FIZ1: variants seen among roughly 807,000 people sequenced by gnomAD.
FIZ1 encodes FLT3 interacting zinc finger 1, also known as flt3-interacting zinc finger protein 1.
In FIZ1, 2 loss-of-function variants were observed where a neutral mutation model predicts 5.3. That is an observed-to-expected ratio of 0.37 (90% CI 0.15 to 1.18). The LOEUF (loss-of-function observed/expected upper bound fraction) is 1.18, where lower values mean the gene tolerates loss of function less well. Ranked by LOEUF, FIZ1 falls within the 50% of genes most tolerant of loss-of-function variation. The pLI, the probability that FIZ1 is intolerant of heterozygous loss-of-function variation, is 0.37. For synonymous variants in FIZ1, 407 were observed against 364.2 expected (o/e 1.12, Z -1.34); for missense variants, 631 against 749.7 (o/e 0.84, Z 1.85).
In FIZ1 at chr19:55,592,311, A is replaced by G; in HGVS notation, c.*139T>C. On this transcript the variant is annotated 3_prime_UTR_variant, in exon 3 of 3. Coordinates refer to ENST00000221665, the MANE Select transcript of FIZ1 (RefSeq NM_032836.3). This position sits in a 1 kb window ranked among gnomAD's most constrained non-coding sequence, Gnocchi z 6.9. ...GGTTTTTGGTGGCCCCCACCTCTCC[A>G]GTCAGGGTCCCCTCATTTCAGGGCC... The G allele has an allele frequency of 3.3e-6, 3 of 918,390 alleles. No individual in the cohort carries two copies. The highest frequency in any genetic ancestry group is 4.7e-6 in the Non-Finnish European group (3 of 635,330). The allele number at this position is 918,390 out of a possible 1,614,324, so 56.9% of individuals were successfully genotyped here. A position where few individuals can be genotyped will look rare whatever the true frequency, so the allele number is the denominator to read the frequency against.
intron 2 of FIZ1, among the ~76,000 whole-genome samples, chr19:55,594,917 C>G (rs1237002682): frequency 6.6e-6 from 1 of 152,112 alleles, no homozygotes; most frequent in Non-Finnish European, 1.5e-5. Context: ...CTCAGAGTTT[C>G]TCCCACTGAA....
chr19:55,595,289 G>A (rs1052035439), intron 2 of FIZ1, among the ~76,000 whole-genome samples: 2 of 152,176 alleles, frequency 1.3e-5, no homozygotes, highest in Non-Finnish European at 2.9e-5. Context: ...CGATGCACCT[G>A]CTGTACAGTG....
In FIZ1 at chr19:55,593,095, C is replaced by G; in HGVS notation, c.846G>C (p.Ala282=). 1 of 1,329,408 alleles carries G rather than the reference C, an allele frequency of 7.5e-7. No individual in the cohort carries two copies. The highest frequency in any genetic ancestry group is 1.6e-5 in the African/African-American group (1 of 63,250). 82.4% of individuals were successfully genotyped at this position (1,329,408 alleles called of 1,614,324 possible). A position where few individuals can be genotyped will look rare whatever the true frequency, so the allele number is the denominator to read the frequency against. Residue 282 remains alanine, a synonymous_variant, in exon 3 of 3, where the codon GCG becomes GCC. Transcript: ENST00000221665. This position sits in a 1 kb window ranked among gnomAD's most constrained non-coding sequence, Gnocchi z 6.3. ...ETAGEGTAAE[A]GDAPLASDRR... is the part of the protein sequence containing the mutation. ...GGTCCGAAGCCAGAGGAGCGTCGCCCGCCTCCGCAGCGGTGCCTTCGCCCG... is the reference window on the plus strand; with the variant it reads ...GGTCCGAAGCCAGAGGAGCGTCGCCGGCCTCCGCAGCGGTGCCTTCGCCCG...
In FIZ1 at chr19:55,596,273, G is replaced by A. The variant is rs145733252; in HGVS notation, c.294+1299C>T. Among the ~76,000 whole-genome samples, 45 of 152,230 alleles carry A rather than the reference G, an allele frequency of 3.0e-4. No individual in the cohort carries two copies. In the East Asian group the frequency reaches 7.9e-3, roughly 27 times the overall value. ...AAGGAGGGAGACCACTGAGAAAGCC[G>A]GGGCCAACATTCAGGATGTGAAGTC... On this transcript the variant is annotated intron_variant, in intron 2 of 2. Coordinates refer to ENST00000221665, the MANE Select transcript of FIZ1 (RefSeq NM_032836.3).
Position 55,592,633 on chromosome 19 carries a change from G to A in FIZ1, c.1308C>T (p.His436=). 6.2e-7 allele frequency: 1 copy of A among 1,613,514 alleles called. No homozygotes were observed. The highest frequency in any genetic ancestry group is 8.5e-7 in the Non-Finnish European group (1 of 1,179,900). ...GGCACGGGAACGGCTTCTCGCCAGT[G>A]TGCACCAGCACGTGCCGCTCCAGGT... is the stretch of plus-strand genomic sequence containing the variant. ...PRDLERHVLV[H]TGEKPFPCLE... is the part of the protein sequence containing the mutation. Residue 436 remains histidine (H), a synonymous_variant, in exon 3 of 3, where the codon CAC becomes CAT. Transcript: ENST00000221665. This position sits in a 1 kb window ranked among gnomAD's most constrained non-coding sequence, Gnocchi z 6.9.
chr19:55,597,340 GA>G (rs1325775643), intron 2 of FIZ1, among the ~76,000 whole-genome samples: 2 of 152,338 alleles, frequency 1.3e-5, no homozygotes, highest in African/African-American at 4.8e-5. Flanking sequence ...TATAGATGGG[GA>G]AATTTACTAT....
chr19:55,596,766 G>A (rs1016215198), intron 2 of FIZ1, among the ~76,000 whole-genome samples: 11 of 152,108 alleles, frequency 7.2e-5, no homozygotes, highest in Admixed American at 6.5e-5. Context: ...TCTGCCTCCC[G>A]GGTCCAGGCG....
At chr19:55,598,741 T>G (rs1159309846) in intron 1 of FIZ1, 1 of 152,230 alleles carries the variant, frequency 6.6e-6, no homozygotes, top group African/African-American at 2.4e-5. Flanking sequence ...AGAAGCCACA[T>G]CCTTTCTAAG....
At chr19:55,598,263 A>C in intron 1 of FIZ1, 1 of 211,598 alleles carries the variant, frequency 4.7e-6, no homozygotes, top group Non-Finnish European at 9.7e-6. Context: ...GTCCCCCACA[A>C]TGTTCCCTAA....
rs577473371 is a variant in FIZ1, at chr19:55,594,473, G to A, written c.295-827C>T. On this transcript the variant is annotated intron_variant, in intron 2 of 2. Transcript: ENST00000221665. ...AGCACTTTGGGAGGCCGAGGCGGGCGGATCATGAGGTCAGGAGATCGAGAC... is the reference window on the plus strand; with the variant it reads ...AGCACTTTGGGAGGCCGAGGCGGGCAGATCATGAGGTCAGGAGATCGAGAC... 2.1e-4 allele frequency among the ~76,000 whole-genome samples: 32 copies of A among 150,676 alleles called. No individual in the cohort carries two copies. In the East Asian group the frequency reaches 2.1e-3, roughly 10 times the overall value.
rs770087686 is a variant in FIZ1 at position 55,593,506 on chromosome 19, G to T, written c.435C>A (p.Pro145=). ...PSPLQPGPGL[P]ALSAPCSVCC... is the part of the protein sequence containing the mutation. ...AGACGGAGCAGGGCGCACTCAAGGC[G>T]GGCAGGCCAGGGCCGGGCTGCAGGG... is the stretch of plus-strand genomic sequence containing the variant. Residue 145 remains proline, a synonymous_variant, in exon 3 of 3, where the codon CCC becomes CCA. Transcript: ENST00000221665. The surrounding 1 kb of genome is among the most constrained non-coding windows in gnomAD (Gnocchi z 6.3). 1 of 1,549,726 alleles carries T rather than the reference G, an allele frequency of 6.5e-7. No individual in the cohort carries two copies. Among genetic ancestry groups the T allele is most frequent in the South Asian group, 1.2e-5 (1 of 83,948 alleles).
chr19:55,592,764 C>A lies in FIZ1; in HGVS notation c.1177G>T (p.Ala393Ser), dbSNP rs760931674. ...EGGGEEAATAAREREPASGEP... is the reference protein window; with the variant it reads ...EGGGEEAATASREREPASGEP... ...CCGGACGCCGGTTCCCTTTCCCGGG[C>A]GGCGGTCGCCGCCTCCTCCCCGCCG... The change falls in exon 3 of 3, where the codon GCC becomes TCC. Residue 393 changes from alanine (A) to serine (S), a missense_variant. Coordinates refer to ENST00000221665, the MANE Select transcript of FIZ1 (RefSeq NM_032836.3). The surrounding 1 kb of genome is among the most constrained non-coding windows in gnomAD (Gnocchi z 6.9). 1.2e-6 allele frequency: 2 copies of A among 1,602,504 alleles called. No individual in the cohort carries two copies. Among genetic ancestry groups the A allele is most frequent in the Admixed American group, 3.4e-5 (2 of 59,588 alleles).
rs576558940 is a variant in FIZ1, at chr19:55,595,924, T to C, written c.294+1648A>G. Among the ~76,000 whole-genome samples the C allele has an allele frequency of 1.2e-3, 179 of 152,320 alleles. 1 individual carries two copies. The Middle Eastern group carries it at 0.014, about 12-fold the overall frequency. On this transcript the variant is annotated intron_variant, in intron 2 of 2. Coordinates refer to ENST00000221665, the MANE Select transcript of FIZ1 (RefSeq NM_032836.3). ...CAGATGTCTCGGCTGCAGCCTAACATTGATTAACCTAGTTGTTCAGTTCAC... is the reference window on the plus strand; with the variant it reads ...CAGATGTCTCGGCTGCAGCCTAACACTGATTAACCTAGTTGTTCAGTTCAC...
Position 55,593,672 on chromosome 19 carries a change from A to G in FIZ1, c.295-26T>C. On this transcript the variant is annotated intron_variant, in intron 2 of 2. Transcript: ENST00000221665. The surrounding 1 kb of genome is among the most constrained non-coding windows in gnomAD (Gnocchi z 6.3). The stretch of plus-strand genomic sequence containing the variant: ...CTAGGGGTGCGGGAGGAAGGGCACA[A>G]CGTCAGGGCTGAGAACCTAGCCCGG... 1 of 1,546,218 alleles carries G rather than the reference A, an allele frequency of 6.5e-7. No individual in the cohort carries two copies. The highest frequency in any genetic ancestry group is 8.7e-7 in the Non-Finnish European group (1 of 1,142,972).
Position 55,593,206 on chromosome 19 carries a change from C to T in FIZ1, c.735G>A (p.Arg245=), listed in dbSNP as rs567187391. 1.1e-5 allele frequency: 13 copies of T among 1,212,162 alleles called. No individual in the cohort carries two copies. The highest frequency in any genetic ancestry group is 8.9e-5 in the East Asian group (2 of 22,424). 75.1% of individuals were successfully genotyped at this position (1,212,162 alleles called of 1,614,324 possible). Residue 245 remains arginine, a synonymous_variant, in exon 3 of 3, where the codon CGG becomes CGA. Coordinates refer to ENST00000221665, the MANE Select transcript of FIZ1 (RefSeq NM_032836.3). The surrounding 1 kb of genome is among the most constrained non-coding windows in gnomAD (Gnocchi z 6.3). ...RDFNAPALLE[R]HKLTHDLQGP... is the part of the protein sequence containing the mutation. The stretch of plus-strand genomic sequence containing the variant: ...CCTGCAGGTCGTGCGTCAGCTTGTG[C>T]CGCTCCAGCAGCGCGGGCGCGTTGA...
rs748074456 is a variant in FIZ1, at chr19:55,592,754, C to T, written c.1187G>A (p.Arg396Lys). 1.0e-5 allele frequency: 16 copies of T among 1,607,540 alleles called. No individual in the cohort carries two copies. Among genetic ancestry groups the T allele is most frequent in the Non-Finnish European group, 1.2e-5 (14 of 1,178,292 alleles). ...GEEAATAARE[R>K]EPASGEPPSG... is the part of the protein sequence containing the mutation. ...CGGGGGTTCCCCGGACGCCGGTTCC[C>T]TTTCCCGGGCGGCGGTCGCCGCCTC... Residue 396 changes from arginine (R) to lysine (K), a missense_variant, in exon 3 of 3, where the codon AGG (arginine) becomes AAG (lysine). Arg to Lys is a conservative substitution (Grantham distance 26, BLOSUM62 2). Around this residue, in one of 4 missense-constraint regions of FIZ1, gnomAD observed 463 missense variants for 455.1 expected, o/e 1.02. Transcript: ENST00000221665. This position sits in a 1 kb window ranked among gnomAD's most constrained non-coding sequence, Gnocchi z 6.9.
In FIZ1 at chr19:55,592,791, C is replaced by A. The variant is rs1469185825; in HGVS notation, c.1150G>T (p.Gly384Cys). Reference sequence around the variant, plus strand: ...GCGGTCGCCGCCTCCTCCCCGCCGCCCTCACCGTGGCTGACCCGCCGGTGC... The same window carrying A: ...GCGGTCGCCGCCTCCTCCCCGCCGCACTCACCGTGGCTGACCCGCCGGTGC... ...EEHRRVSHGE[G>C]GGEEAATAAR... is the part of the protein sequence containing the mutation. The change falls in exon 3 of 3, where the codon GGC becomes TGC. Residue 384 changes from glycine to cysteine, a missense_variant. This residue lies in a region of FIZ1 where 463 missense variants were observed against 455.1 expected (regional missense o/e 1.02). Transcript: ENST00000221665. The surrounding 1 kb of genome is among the most constrained non-coding windows in gnomAD (Gnocchi z 6.9). 1.3e-6 allele frequency: 2 copies of A among 1,593,986 alleles called. No homozygotes were observed. Among genetic ancestry groups the A allele is most frequent in the East Asian group, 4.5e-5 (2 of 44,528 alleles).
At chr19:55,594,566 G>A (rs12609355) in intron 2 of FIZ1, among the ~76,000 whole-genome samples, 26,009 of 149,602 alleles carry the variant, frequency 0.17, 2,360 homozygotes, top group South Asian at 0.36. Context: ...GCGTGGTGGC[G>A]GGCGCCTGTA....
intron 2 of FIZ1, among the ~76,000 whole-genome samples, chr19:55,594,713 A>AG (rs1387167704): frequency 2.6e-5 from 4 of 151,534 alleles, no homozygotes; most frequent in South Asian, 2.1e-4. Context: ...AAAAAAAAAA[A>AG]AAAAAGAAAT....
Sources: allele counts gnomAD v4.1 joint callset (sites outside exome capture counted in the v4.1 genomes callset), GRCh38; gene constraint gnomAD v4.1.1; regional missense constraint gnomAD v4.1.1; non-coding constraint Gnocchi (gnomAD v3.1); transcripts MANE v1.5; gene names NCBI Gene and HGNC (gene_info 2026-07-23, HGNC 2026-07-21).